The following CHN1 variants were observed in gnomAD, a reference collection of about 807,000 sequenced individuals.
CHN1 encodes the protein chimerin 1, also known as N-chimaerin.
A neutral mutation model predicts 59.5 loss-of-function variants in CHN1; 37 were observed. The observed-to-expected ratio is 0.62, with a 90% CI of 0.48 to 0.82. The LOEUF is 0.82. CHN1 is among the 40% of genes least tolerant of loss of function. The probability of loss-of-function intolerance (pLI) is 0.00; values close to 1 mark genes in which losing one functional copy is unlikely to be tolerated. For missense variants in CHN1, 469 were observed against 571.0 expected (o/e 0.82, Z 1.82); for synonymous variants, 206 against 200.4 (o/e 1.03, Z -0.24).
At chr2:174,887,195 G>A (rs546402048) in intron 5 of CHN1, among the ~76,000 whole-genome samples, 1 of 152,188 alleles carries the variant, frequency 6.6e-6, no homozygotes, top group Admixed American at 6.5e-5. Context: ...CTATGGAAAA[G>A]CAATAAACCA....
intron 3 of CHN1, among the ~76,000 whole-genome samples, chr2:174,938,190 T>C (rs1689553948): frequency 1.3e-5 from 2 of 152,184 alleles, no homozygotes; most frequent in Non-Finnish European, 2.9e-5. Flanking sequence ...AAATGGTACT[T>C]GAGTACATCT....
intron 5 of CHN1, among the ~76,000 whole-genome samples, chr2:174,883,965 CTTTTTT>C (rs141023955): frequency 8.2e-6 from 1 of 121,512 alleles, no homozygotes; most frequent in Non-Finnish European, 1.7e-5. Context: ...AGTCTAACTT[CTTTTTT>C]TTTTTTTTTT....
chr2:174,899,743 C>G (rs1480634775), intron 5 of CHN1, among the ~76,000 whole-genome samples: 3 of 152,044 alleles, frequency 2.0e-5, no homozygotes, highest in Non-Finnish European at 4.4e-5. Context: ...TTGTCAAATT[C>G]CAAAGTAGAG....
At chr2:174,931,365 G>A (rs1429786606) in intron 3 of CHN1, among the ~76,000 whole-genome samples, 2 of 152,144 alleles carry the variant, frequency 1.3e-5, no homozygotes, top group East Asian at 3.9e-4. Context: ...TGCAAGCAGT[G>A]GCCAAACTCT....
intron 2 of CHN1, among the ~76,000 whole-genome samples, chr2:174,949,570 G>T (rs559419413): frequency 3.3e-5 from 5 of 151,992 alleles, no homozygotes; most frequent in Admixed American, 1.3e-4. Flanking sequence ...CGCCTAAATT[G>T]GCCAGGCTGG....
At chr2:174,809,432 T>A (rs953560213) in intron 10 of CHN1, among the ~76,000 whole-genome samples, 1 of 152,220 alleles carries the variant, frequency 6.6e-6, no homozygotes, top group Non-Finnish European at 1.5e-5. Flanking sequence ...GTCTATGCTC[T>A]ATAAATGTTC....
chr2:174,950,547 A>G (rs996559024), intron 2 of CHN1, among the ~76,000 whole-genome samples: 2 of 152,042 alleles, frequency 1.3e-5, no homozygotes, highest in African/African-American at 4.8e-5. Context: ...CATAAATGCC[A>G]TATTTTAAAA....
intron 3 of CHN1, among the ~76,000 whole-genome samples, chr2:174,931,732 G>T (rs1454477258): frequency 6.6e-6 from 1 of 152,230 alleles, no homozygotes; most frequent in Non-Finnish European, 1.5e-5. Flanking sequence ...CTGGGGGGAT[G>T]ATAAAGTATA....
chr2:174,845,265 T>C (rs1686469423), intron 7 of CHN1, among the ~76,000 whole-genome samples: 1 of 152,296 alleles, frequency 6.6e-6, no homozygotes. Context: ...AGAGTACATC[T>C]TTGGAGATAT....
intron 5 of CHN1, among the ~76,000 whole-genome samples, chr2:174,884,479 A>G (rs1209968624): frequency 6.6e-6 from 1 of 152,228 alleles, no homozygotes; most frequent in Non-Finnish European, 1.5e-5. Flanking sequence ...GCCTAACAAT[A>G]CTAAGTACCA....
intron 1 of CHN1, among the ~76,000 whole-genome samples, chr2:174,978,285 A>C (rs977110809): frequency 1.1e-4 from 17 of 152,244 alleles, no homozygotes; most frequent in African/African-American, 3.9e-4. Flanking sequence ...TGACAATGAC[A>C]TCTTTTTAAA....
At position 175,005,223 on chromosome 2, in the gene CHN1, T is replaced by A; in HGVS notation, c.-311A>T. The A allele has an allele frequency of 8.4e-7, 1 of 1,195,254 alleles. No homozygotes were observed. Among genetic ancestry groups the A allele is most frequent in the Non-Finnish European group, 1.0e-6 (1 of 962,014 alleles). The allele number at this position is 1,195,254 out of a possible 1,614,324, so 74.0% of individuals were successfully genotyped here. A position where few individuals can be genotyped will look rare whatever the true frequency, so the allele number is the denominator to read the frequency against. Reference sequence around the variant, plus strand: ...GGAGGTACCTGCGAGGCAGGAGGCTTGGCCGCGGCGCAGTGGCTGGCGGAG... The same window carrying A: ...GGAGGTACCTGCGAGGCAGGAGGCTAGGCCGCGGCGCAGTGGCTGGCGGAG... On this transcript the variant is annotated 5_prime_UTR_variant, in exon 1 of 13. Transcript: ENST00000409900.
intron 1 of CHN1, among the ~76,000 whole-genome samples, chr2:174,973,893 G>C (rs1690838557): frequency 6.6e-6 from 1 of 152,056 alleles, no homozygotes; most frequent in Non-Finnish European, 1.5e-5. Flanking sequence ...AATTTCCAGG[G>C]AAAGAAATAT....
At chr2:174,967,342 T>C (rs1379526067) in intron 1 of CHN1, among the ~76,000 whole-genome samples, 1 of 152,062 alleles carries the variant, frequency 6.6e-6, no homozygotes, top group Non-Finnish European at 1.5e-5. Flanking sequence ...GGCAACAGAG[T>C]GAGATCCTGT....
chr2:174,862,676 T>C (rs915968249), intron 6 of CHN1, among the ~76,000 whole-genome samples: 1 of 152,184 alleles, frequency 6.6e-6, no homozygotes, highest in Admixed American at 6.5e-5. Flanking sequence ...TTAGTTACTG[T>C]AGGCTTTTTG....
chr2:174,817,701 G>A (rs1262430868), intron 8 of CHN1, among the ~76,000 whole-genome samples: 5 of 149,402 alleles, frequency 3.3e-5, no homozygotes, highest in African/African-American at 1.2e-4. Context: ...GCAGTGGCGC[G>A]ATCTCGGCTC....
intron 2 of CHN1, among the ~76,000 whole-genome samples, chr2:174,951,714 G>A (rs1395121553): frequency 6.6e-6 from 1 of 152,082 alleles, no homozygotes; most frequent in Non-Finnish European, 1.5e-5. Context: ...TTATGTTTTG[G>A]GAAAGTAATT....
At chr2:174,958,929 C>T (rs1690307989) in intron 1 of CHN1, among the ~76,000 whole-genome samples, 3 of 152,170 alleles carry the variant, frequency 2.0e-5, no homozygotes, top group Non-Finnish European at 4.4e-5. Context: ...CTTCCATGTA[C>T]ACCTGCTCTG....
rs184769603 is a variant in CHN1, at chr2:174,973,907, T to C, written c.20-21705A>G. On this transcript the variant is annotated intron_variant, in intron 1 of 12. Coordinates refer to ENST00000409900, the MANE Select transcript of CHN1 (RefSeq NM_001822.7). ...AAATTTCCAGGGAAAGAAATATAGA[T>C]GTAACTAGAAAGCTATATGAAGAAA... 1.1e-4 allele frequency among the ~76,000 whole-genome samples: 16 copies of C among 152,320 alleles called. No homozygotes were observed. The East Asian group carries it at 2.9e-3, about 28-fold the overall frequency.
Sources: gnomAD v4.1 joint callset for allele counts (sites outside exome capture counted in the v4.1 genomes callset) on GRCh38, gnomAD v4.1.1 for gene constraint, MANE v1.5 for transcripts, NCBI Gene and HGNC (gene_info 2026-07-23, HGNC 2026-07-21) for gene names.